The following SEMA6D variants were observed in gnomAD, a reference collection of about 807,000 sequenced individuals.
SEMA6D encodes semaphorin 6D.
A neutral mutation model predicts 106.6 loss-of-function variants in SEMA6D; 35 were observed. That is an observed-to-expected ratio of 0.33 (90% CI 0.25 to 0.44). The LOEUF (loss-of-function observed/expected upper bound fraction) is 0.44. Among genes scored for constraint, SEMA6D ranks in the 20% least tolerant of loss-of-function variants. The pLI, the probability that SEMA6D is intolerant of heterozygous loss-of-function variation, is 1.00. For synonymous variants in SEMA6D, 499 were observed against 487.7 expected, an observed-to-expected ratio of 1.02 and a Z score of -0.31; for missense variants, 1,185 against 1,345.9, an observed-to-expected ratio of 0.88 and a Z score of 1.87.
chr15:47,325,447 C>T (rs1421935870), intron 1 of SEMA6D, among the ~76,000 whole-genome samples: 1 of 151,794 alleles, frequency 6.6e-6, no homozygotes, highest in Non-Finnish European at 1.5e-5. Context: ...GGTGGGATTA[C>T]AGGCGTGAGC....
chr15:47,598,566 C>G (rs914440991), intron 3 of SEMA6D, among the ~76,000 whole-genome samples: 1 of 152,148 alleles, frequency 6.6e-6, no homozygotes, highest in African/African-American at 2.4e-5. Context: ...CTCCCCTGTA[C>G]AAAATGATTC....
At chr15:47,363,385 G>T (rs1274133549) in intron 1 of SEMA6D, among the ~76,000 whole-genome samples, 3 of 152,094 alleles carry the variant, frequency 2.0e-5, no homozygotes, top group African/African-American at 7.2e-5. Flanking sequence ...ATGAATTTGA[G>T]TTCAGCTTCT....
intron 4 of SEMA6D, among the ~76,000 whole-genome samples, chr15:47,608,020 G>A (rs1034692223): frequency 2.6e-5 from 4 of 152,160 alleles, no homozygotes; most frequent in Non-Finnish European, 5.9e-5. Flanking sequence ...CTAAGAGAGT[G>A]CTGTATATTC....
chr15:47,722,058 T>G (rs1431081181), intron 1 of SEMA6D, among the ~76,000 whole-genome samples: 2 of 152,228 alleles, frequency 1.3e-5, no homozygotes, highest in African/African-American at 4.8e-5. Context: ...TTCCATTGTT[T>G]GGCAACCTGT....
At chr15:47,630,606 A>T (rs1451024312) in intron 4 of SEMA6D, among the ~76,000 whole-genome samples, 1 of 151,650 alleles carries the variant, frequency 6.6e-6, no homozygotes, top group Admixed American at 6.6e-5. Context: ...TGCCTTATTG[A>T]AGTGACTAAG....
At chr15:47,532,992 T>C (rs1323783259) in intron 3 of SEMA6D, among the ~76,000 whole-genome samples, 1 of 152,094 alleles carries the variant, frequency 6.6e-6, no homozygotes, top group East Asian at 1.9e-4. Context: ...GGCTACCAAG[T>C]CTGAGGAAGA....
intron 1 of SEMA6D, among the ~76,000 whole-genome samples, chr15:47,740,955 AT>A (rs374072660): frequency 3.6e-4 from 55 of 152,288 alleles, no homozygotes; most frequent in African/African-American, 1.2e-3. Context: ...AATCTTCTCA[AT>A]TACTTGACTT....
intron 1 of SEMA6D, among the ~76,000 whole-genome samples, chr15:47,255,091 G>A (rs190448270): frequency 6.6e-6 from 1 of 152,048 alleles, no homozygotes; most frequent in African/African-American, 2.4e-5. Context: ...TATTTGATGG[G>A]AGAATCTTGA....
Position 47,291,858 on chromosome 15 carries a change from TTCTCTG to T in SEMA6D, c.-239+107452_-239+107457del, listed in dbSNP as rs937206681. ...ATATCTGTCTTTAGCTGTTCTTTAT[TTCTCTG>T]TCTCTGTCTCTCTCTCTCAAGTCAG... is the stretch of plus-strand genomic sequence containing the variant. On this transcript the variant is annotated intron_variant, in intron 1 of 19. Transcript: ENST00000558014. 7.9e-5 allele frequency among the ~76,000 whole-genome samples: 12 copies of T among 152,346 alleles called. 1 individual carries two copies. Among genetic ancestry groups the T allele is most frequent in the Middle Eastern group, 3.4e-3 (1 of 294 alleles).
At chr15:47,454,539 A>C (rs1324171694) in intron 2 of SEMA6D, among the ~76,000 whole-genome samples, 2 of 151,642 alleles carry the variant, frequency 1.3e-5, no homozygotes, top group Non-Finnish European at 2.9e-5. Flanking sequence ...AAATAACCTA[A>C]TTCACTGTGA....
intron 3 of SEMA6D, among the ~76,000 whole-genome samples, chr15:47,545,553 G>C (rs2045494131): frequency 1.3e-5 from 2 of 152,140 alleles, no homozygotes; most frequent in African/African-American, 4.8e-5. Flanking sequence ...TTCCCAGACT[G>C]TCAGTTTCTG....
chr15:47,228,457 A>G (rs2031964419), intron 1 of SEMA6D, among the ~76,000 whole-genome samples: 2 of 116,258 alleles, frequency 1.7e-5, no homozygotes, highest in South Asian at 3.1e-4. Context: ...CCCAGAACCA[A>G]TAAGCCTTGG....
intron 1 of SEMA6D, chr15:47,339,328 A>G (rs1567009597): frequency 6.6e-6 from 1 of 152,172 alleles, no homozygotes; most frequent in Non-Finnish European, 1.5e-5. Flanking sequence ...TGTGACTGGT[A>G]TCTGGTGGGG....
Position 47,763,885 on chromosome 15 carries a change from C to T in SEMA6D, c.783C>T (p.Asn261=), listed in dbSNP as rs562386841. 2.1e-4 allele frequency: 331 copies of T among 1,613,642 alleles called. 1 individual carries two copies. In the South Asian group the frequency reaches 3.2e-3, roughly 16 times the overall value. ...VYSRVARICK[N]DMGGSQRVLE... is the part of the protein sequence containing the mutation. ...CCCGCGTGGCCCGCATATGTAAAAA[C>T]GACATGGGTGGTTCCCAGCGGGTCC... is the stretch of plus-strand genomic sequence containing the variant. The change falls in exon 10 of 19, where the codon AAC becomes AAT. Residue 261 remains asparagine (N), a synonymous_variant. Coordinates refer to ENST00000536845, the MANE Select transcript of SEMA6D (RefSeq NM_001358351.3).
chr15:47,615,346 T>G (rs2055458802), intron 4 of SEMA6D, among the ~76,000 whole-genome samples: 1 of 152,190 alleles, frequency 6.6e-6, no homozygotes, highest in African/African-American at 2.4e-5. Context: ...ATAAGCAACT[T>G]GCGCATCTGT....
chr15:47,536,516 C>A (rs190413143), intron 3 of SEMA6D, among the ~76,000 whole-genome samples: 1 of 152,126 alleles, frequency 6.6e-6, no homozygotes, highest in East Asian at 1.9e-4. Flanking sequence ...AGACTCAGAC[C>A]GATTGAGTCT....
intron 2 of SEMA6D, among the ~76,000 whole-genome samples, chr15:47,436,072 A>G (rs867964881): frequency 6.6e-6 from 1 of 152,012 alleles, no homozygotes; most frequent in South Asian, 2.1e-4. Context: ...CCTCCACCAT[A>G]TTAGATATGT....
At chr15:47,510,422 TACTGTTGTCTCTCCC>T (rs1237800406) in intron 3 of SEMA6D, among the ~76,000 whole-genome samples, 1 of 152,192 alleles carries the variant, frequency 6.6e-6, no homozygotes, top group African/African-American at 2.4e-5. Context: ...TGCTGTAATC[TACTGTTGTCTCTCCC>T]AACCTGGCCC....
intron 15 of SEMA6D, among the ~76,000 whole-genome samples, 196 bp from the exon 16 acceptor site, chr15:47,766,420 T>C (rs1351123278): frequency 1.3e-5 from 2 of 152,132 alleles, no homozygotes; most frequent in Admixed American, 6.5e-5. Context: ...TTCTCTTCTG[T>C]TCTCTTAAGC....
Sources: allele counts gnomAD v4.1 joint callset (sites outside exome capture counted in the v4.1 genomes callset), GRCh38; gene constraint gnomAD v4.1.1; transcripts MANE v1.5; gene names NCBI Gene and HGNC (gene_info 2026-07-23, HGNC 2026-07-21).